The following PCDH11X variants were observed in gnomAD, a reference collection of about 807,000 sequenced individuals.
PCDH11X encodes protocadherin 11 X-linked.
Under a neutral mutation model 53.3 loss-of-function variants are expected in PCDH11X, and 18 were observed. That is an observed-to-expected ratio of 0.34 (90% CI 0.23 to 0.50). The LOEUF is 0.50. Among genes scored for constraint, PCDH11X ranks in the 20% least tolerant of loss-of-function variants. PCDH11X has a pLI of 0.98. For missense variants in PCDH11X, 570 were observed against 1,032.4 expected (o/e 0.55, Z 6.14); for synonymous variants, 279 against 393.3 (o/e 0.71, Z 3.44).
chrX:92,154,260 G>A (rs1215618055), intron 6 of PCDH11X, among the ~76,000 whole-genome samples: 2 of 110,932 alleles, frequency 1.8e-5, no homozygotes, highest in Non-Finnish European at 3.8e-5. Flanking sequence ...AGTGATTTAA[G>A]ATACTTCAGG....
At chrX:92,279,141 A>C (rs1292561128) in intron 8 of PCDH11X, among the ~76,000 whole-genome samples, 1 of 111,928 alleles carries the variant, frequency 8.9e-6, no homozygotes, top group Non-Finnish European at 1.9e-5. Flanking sequence ...CATATAAGCC[A>C]TTGCATTTTT....
intron 8 of PCDH11X, among the ~76,000 whole-genome samples, chrX:92,293,275 A>C (rs1028750157): frequency 9.0e-6 from 1 of 110,838 alleles, no homozygotes; most frequent in Non-Finnish European, 1.9e-5. Context: ...TAAAAGCAAC[A>C]CTGAATAAAA....
At chrX:91,880,882 C>G (rs1939862627) in intron 6 of PCDH11X, among the ~76,000 whole-genome samples, 1 of 108,725 alleles carries the variant, frequency 9.2e-6, no homozygotes, top group East Asian at 2.9e-4. Context: ...TGCTATTCTG[C>G]TTATTGGATA....
chrX:92,386,830 T>C (rs1412924482), intron 8 of PCDH11X, among the ~76,000 whole-genome samples: 1 of 103,377 alleles, frequency 9.7e-6, no homozygotes, highest in Non-Finnish European at 2.0e-5. Flanking sequence ...CCATGGTGAG[T>C]TTTCCAAGGG....
At chrX:91,807,167 T>A in intron 1 of PCDH11X, among the ~76,000 whole-genome samples, 1 of 71,076 alleles carries the variant, frequency 1.4e-5, no homozygotes, top group South Asian at 9.7e-4. Flanking sequence ...TAGAAAGACC[T>A]CATCTCTACA....
intron 6 of PCDH11X, among the ~76,000 whole-genome samples, chrX:92,127,148 G>A (rs1272907120): frequency 1.8e-5 from 2 of 111,012 alleles, no homozygotes; most frequent in African/African-American, 6.5e-5. Context: ...GTTTTATCCA[G>A]TGTATTCATT....
intron 7 of PCDH11X, among the ~76,000 whole-genome samples, chrX:92,220,774 CA>C (rs1400898036): frequency 9.5e-6 from 1 of 105,767 alleles, no homozygotes; most frequent in African/African-American, 3.4e-5. Context: ...GCACTATTCA[CA>C]ATAGCAAAGA....
At chrX:91,782,839 T>A (rs1935201259) in intron 1 of PCDH11X, among the ~76,000 whole-genome samples, 1 of 111,706 alleles carries the variant, frequency 9.0e-6, no homozygotes, top group African/African-American at 3.3e-5. Context: ...AGCAAGCCCC[T>A]GCTTTGCCAA....
At chrX:92,077,610 AAGGAAGGAAGGGAGGAAG>A (rs2063793355) in intron 6 of PCDH11X, among the ~76,000 whole-genome samples, 2 of 82,644 alleles carry the variant, frequency 2.4e-5, no homozygotes, top group African/African-American at 9.2e-5. Context: ...TTCAAAAAAG[AAGGAAGGAAGGGAGGAAG>A]GAAGGAAGGA....
intron 8 of PCDH11X, among the ~76,000 whole-genome samples, chrX:92,372,319 A>G (rs1033531212): frequency 2.7e-5 from 3 of 109,992 alleles, no homozygotes; most frequent in Admixed American, 1.9e-4. Context: ...TGTTTTGAAG[A>G]ATATGTTTTA....
chrX:92,265,704 C>T (rs745468300), intron 8 of PCDH11X, among the ~76,000 whole-genome samples: 4 of 110,781 alleles, frequency 3.6e-5, no homozygotes, highest in South Asian at 3.9e-4. Context: ...GGTGATACAT[C>T]GAGCTTAAGT....
intron 6 of PCDH11X, among the ~76,000 whole-genome samples, chrX:92,124,753 CAATT>C (rs1262051537): frequency 1.8e-5 from 2 of 110,073 alleles, no homozygotes; most frequent in East Asian, 5.6e-4. Flanking sequence ...TGTTGTAAAA[CAATT>C]AATATATTTG....
At chrX:92,598,351 G>GA (rs201865452) in intron 10 of PCDH11X, among the ~76,000 whole-genome samples, 75 of 109,692 alleles carry the variant, frequency 6.8e-4, no homozygotes, top group African/African-American at 2.2e-3. Context: ...TTAAAAAAAA[G>GA]AAAAAAACAC....
At chrX:92,379,342 G>A (rs1212221059) in intron 8 of PCDH11X, among the ~76,000 whole-genome samples, 16 of 113,097 alleles carry the variant, frequency 1.4e-4, no homozygotes, top group South Asian at 7.1e-4. Context: ...GCAACCTGGT[G>A]GGATGTGTGT....
At chrX:92,091,515 G>A (rs1036762683) in intron 6 of PCDH11X, among the ~76,000 whole-genome samples, 2 of 111,465 alleles carry the variant, frequency 1.8e-5, no homozygotes, top group Admixed American at 9.6e-5. Context: ...CTCTCAGGAC[G>A]TCCTGAGAAC....
chrX:92,027,283 A>G (rs1165906940), intron 6 of PCDH11X, among the ~76,000 whole-genome samples: 1 of 111,713 alleles, frequency 9.0e-6, no homozygotes, highest in Non-Finnish European at 1.9e-5. Flanking sequence ...TTGGAATACA[A>G]TTACCAAGGG....
At chrX:91,912,023 T>C (rs993086485) in intron 6 of PCDH11X, among the ~76,000 whole-genome samples, 1 of 112,006 alleles carries the variant, frequency 8.9e-6, no homozygotes, top group African/African-American at 3.2e-5. Context: ...TTCATTGATA[T>C]TTAATTTTAT....
chrX:92,479,622 A>T (rs2073460092), intron 10 of PCDH11X, among the ~76,000 whole-genome samples: 1 of 109,901 alleles, frequency 9.1e-6, no homozygotes, highest in Non-Finnish European at 1.9e-5. Flanking sequence ...TGGGAAGCTT[A>T]GTTTGGCCAG....
Position 92,388,721 on chromosome X carries a change from A to G in PCDH11X, c.3343+788A>G, listed in dbSNP as rs1369516949. Among the ~76,000 whole-genome samples the G allele has an allele frequency of 8.1e-5, 9 of 110,882 alleles. No individual in the cohort carries two copies. In the East Asian group the frequency reaches 2.5e-3, roughly 31 times the overall value. Reference sequence around the variant, plus strand: ...TGTACATAAAAGTATGTAGATACAAAAAAGCATACAATGTATGTGAGAAAA... The same window carrying G: ...TGTACATAAAAGTATGTAGATACAAGAAAGCATACAATGTATGTGAGAAAA... On this transcript the variant is annotated intron_variant, in intron 9 of 10. Transcript: ENST00000682573.
Sources: allele counts gnomAD v4.1 joint callset (sites outside exome capture counted in the v4.1 genomes callset), GRCh38; gene constraint gnomAD v4.1.1; transcripts MANE v1.5; gene names NCBI Gene and HGNC (gene_info 2026-07-23, HGNC 2026-07-21).